Variants in PIGN observed in about 807,000 individuals in gnomAD.
PIGN encodes GPI ethanolamine phosphate transferase 1.
In PIGN, 117 loss-of-function variants were observed where a neutral mutation model predicts 125.4. That is an observed-to-expected ratio of 0.93 (90% CI 0.80 to 1.09). The LOEUF is 1.09. Among genes scored for constraint, PIGN ranks in the 50% least tolerant of loss-of-function variants. PIGN has a pLI of 0.00. For missense variants in PIGN, 1,075 were observed against 1,094.9 expected, an observed-to-expected ratio of 0.98 and a Z score of 0.26; for synonymous variants, 392 against 377.8, an observed-to-expected ratio of 1.04 and a Z score of -0.44.
intron 1 of PIGN, among the ~76,000 whole-genome samples, chr18:62,183,936 T>A (rs2037807445): frequency 1.3e-5 from 2 of 152,290 alleles, no homozygotes; most frequent in South Asian, 4.1e-4. Flanking sequence ...ATTCACTAAC[T>A]ACTTATTTTA....
intron 23 of PIGN, among the ~76,000 whole-genome samples, chr18:62,033,096 T>C (rs779740646): frequency 1.5e-4 from 23 of 152,238 alleles, no homozygotes; most frequent in Non-Finnish European, 2.9e-4. Context: ...AGGAACATCA[T>C]TGCAGTTTCC....
At chr18:62,054,354 T>C (rs2031555499) in intron 30 of PIGN, among the ~76,000 whole-genome samples, 1 of 149,976 alleles carries the variant, frequency 6.7e-6, no homozygotes. Flanking sequence ...GTAAATCTGA[T>C]AAATTGGGCT....
chr18:62,159,920 T>G (rs2036882680), intron 4 of PIGN, among the ~76,000 whole-genome samples: 1 of 152,190 alleles, frequency 6.6e-6, no homozygotes, highest in African/African-American at 2.4e-5. Context: ...AAGACCATCC[T>G]GGCTAACACG....
chr18:62,170,974 T>C (rs58257527), intron 1 of PIGN, among the ~76,000 whole-genome samples: 88,576 of 151,946 alleles, frequency 0.58, 26,603 homozygotes, highest in East Asian at 0.79. Flanking sequence ...CCCTAACTCT[T>C]TTCAATCTAT....
chr18:62,061,511 C>CAAAAAAAAAAAAAAAAA (rs373391589), intron 30 of PIGN, among the ~76,000 whole-genome samples: 2 of 33,210 alleles, frequency 6.0e-5, no homozygotes, highest in East Asian at 9.1e-4. Flanking sequence ...GACTCCGTCT[C>CAAAAAAAAAAAAAAAAA]AAAAAAAAAA....
At chr18:62,178,558 C>T (rs1014942416) in intron 1 of PIGN, among the ~76,000 whole-genome samples, 1 of 150,292 alleles carries the variant, frequency 6.7e-6, no homozygotes, top group Non-Finnish European at 1.5e-5. Flanking sequence ...TTGCTTGAGC[C>T]TAGGAATTCA....
chr18:62,051,488 T>C (rs1234159213), intron 30 of PIGN, among the ~76,000 whole-genome samples: 1 of 152,188 alleles, frequency 6.6e-6, no homozygotes, highest in Non-Finnish European at 1.5e-5. Flanking sequence ...TTTATTTGCA[T>C]AGAGGTGTTT....
chr18:62,080,787 G>A (rs1170058687), intron 28 of PIGN, among the ~76,000 whole-genome samples: 2 of 152,130 alleles, frequency 1.3e-5, no homozygotes, highest in Non-Finnish European at 2.9e-5. Context: ...CATGTGACGT[G>A]AGGACATAAA....
chr18:62,103,211 T>C lies in PIGN; in HGVS notation c.1860-309A>G, dbSNP rs1381509736. On this transcript the variant is annotated intron_variant, in intron 20 of 30. Coordinates refer to ENST00000640252, the MANE Select transcript of PIGN (RefSeq NM_176787.5). Reference sequence around the variant, plus strand: ...TTAAAAAAATTTTAGGCATATCAAATACTATAATATTTAGCCTGAATTGGG... The same window carrying C: ...TTAAAAAAATTTTAGGCATATCAAACACTATAATATTTAGCCTGAATTGGG... 2.6e-5 allele frequency among the ~76,000 whole-genome samples: 4 copies of C among 152,328 alleles called. No individual in the cohort carries two copies. In the East Asian group the frequency reaches 7.7e-4, roughly 29 times the overall value.
chr18:62,127,547 G>T (rs576282244), intron 14 of PIGN, among the ~76,000 whole-genome samples: 1 of 152,110 alleles, frequency 6.6e-6, no homozygotes, highest in South Asian at 2.1e-4. Flanking sequence ...TTAAATGAGC[G>T]AACACTGATA....
At chr18:62,104,226 T>C (rs978608237) in intron 20 of PIGN, among the ~76,000 whole-genome samples, 2 of 152,356 alleles carry the variant, frequency 1.3e-5, no homozygotes, top group East Asian at 3.9e-4. Context: ...ATTAGATTTC[T>C]CATATTTTAA....
intron 28 of PIGN, among the ~76,000 whole-genome samples, chr18:62,076,855 T>G (rs1432352863): frequency 6.6e-6 from 1 of 152,208 alleles, no homozygotes; most frequent in Non-Finnish European, 1.5e-5. Flanking sequence ...TTGTAGAGAA[T>G]GCAATGGTCA....
intron 11 of PIGN, among the ~76,000 whole-genome samples, chr18:62,142,560 A>G (rs1185373399): frequency 6.6e-6 from 1 of 152,174 alleles, no homozygotes; most frequent in Non-Finnish European, 1.5e-5. Context: ...CTGGGAAGAA[A>G]CAAGTTTCTA....
Position 62,161,371 on chromosome 18 carries a change from A to C in PIGN, c.-18T>G. The C allele has an allele frequency of 6.4e-7, 1 of 1,551,232 alleles. No homozygotes were observed. The highest frequency in any genetic ancestry group is 8.9e-7 in the Non-Finnish European group (1 of 1,126,946). ...AGCAGCATATCCAGTGTAACTAATTAGTCTTCAAGAACAGCTGAAAGAGAG... is the reference window on the plus strand; with the variant it reads ...AGCAGCATATCCAGTGTAACTAATTCGTCTTCAAGAACAGCTGAAAGAGAG... On this transcript the variant is annotated 5_prime_UTR_variant, in exon 4 of 31. Transcript: ENST00000640252.
chr18:62,090,692 T>A, intron 23 of PIGN, 114 bp from the exon 24 acceptor site: 3 of 594,634 alleles, frequency 5.0e-6, no homozygotes, highest in Non-Finnish European at 8.9e-6. Flanking sequence ...TACTTCTAAG[T>A]CACAATATTA....
chr18:62,038,183 C>T (rs1001891543), downstream of PIGN, among the ~76,000 whole-genome samples: 2 of 152,022 alleles, frequency 1.3e-5, no homozygotes, highest in African/African-American at 4.8e-5. Flanking sequence ...ACCATTCTGC[C>T]CCCTAAATTC....
At chr18:62,181,397 C>A (rs2037710845) in intron 1 of PIGN, among the ~76,000 whole-genome samples, 1 of 152,076 alleles carries the variant, frequency 6.6e-6, no homozygotes, top group South Asian at 2.1e-4. Context: ...AAATCTCAAA[C>A]AACTTAAACC....
At chr18:62,118,702 G>A (rs547455471) in intron 14 of PIGN, 2 of 152,036 alleles carry the variant, frequency 1.3e-5, no homozygotes, top group Non-Finnish European at 2.9e-5. Flanking sequence ...TTTTCATTGT[G>A]GATTTTTTAA....
rs986672058 is a variant in PIGN, at chr18:62,082,658, A to G, written c.2576+15T>C. The stretch of plus-strand genomic sequence containing the variant: ...AATAGGCAAATCAAATGTTTCTTAA[A>G]CTAATTCATCTTACCTTTTTGACGA... On this transcript the variant is annotated intron_variant, in intron 28 of 30. Coordinates refer to ENST00000640252, the MANE Select transcript of PIGN (RefSeq NM_176787.5). 3 of 1,426,046 alleles carry G rather than the reference A, an allele frequency of 2.1e-6. No homozygotes were observed. Among genetic ancestry groups the G allele is most frequent in the Non-Finnish European group, 2.9e-6 (3 of 1,034,770 alleles). 88.3% of individuals were successfully genotyped at this position (1,426,046 alleles called of 1,614,324 possible).
Sources: allele counts gnomAD v4.1 joint callset (sites outside exome capture counted in the v4.1 genomes callset), GRCh38; gene constraint gnomAD v4.1.1; transcripts MANE v1.5; gene names NCBI Gene and HGNC (gene_info 2026-07-23, HGNC 2026-07-21).